The following IPMK variants were observed in gnomAD, a reference collection of about 807,000 sequenced individuals.
The protein encoded by IPMK is inositol 1,3,4,6-tetrakisphosphate 5-kinase.
In IPMK, 17 loss-of-function variants were observed where a neutral mutation model predicts 45.8. That is an observed-to-expected ratio of 0.37 (90% CI 0.25 to 0.56). IPMK has a LOEUF of 0.56. Ranked by LOEUF, IPMK falls within the 20% of genes least tolerant of loss-of-function variation. The pLI is 0.79. For synonymous variants in IPMK, 180 were observed against 184.3 expected (o/e 0.98, Z 0.19); for missense variants, 399 against 498.0 (o/e 0.80, Z 1.89).
At chr10:58,239,138 G>A (rs1288106265) in intron 1 of IPMK, among the ~76,000 whole-genome samples, 1 of 152,136 alleles carries the variant, frequency 6.6e-6, no homozygotes, top group African/African-American at 2.4e-5. Flanking sequence ...GACAGAGCGA[G>A]AGCCCCTCTC....
chr10:58,263,554 G>A (rs1225032261), intron 1 of IPMK, among the ~76,000 whole-genome samples: 6 of 151,900 alleles, frequency 3.9e-5, no homozygotes, highest in African/African-American at 7.3e-5. Flanking sequence ...GCCTAGTGGT[G>A]TGCACCTATA....
Position 58,195,764 on chromosome 10 carries a change from G to A in IPMK, c.*312C>T, listed in dbSNP as rs1406244760. 2 of 220,308 alleles carry A rather than the reference G, an allele frequency of 9.1e-6. No homozygotes were observed. Among genetic ancestry groups the A allele is most frequent in the Admixed American group, 1.1e-4 (2 of 18,816 alleles). 13.6% of individuals were successfully genotyped at this position (220,308 alleles called of 1,614,324 possible). A position where few individuals can be genotyped will look rare whatever the true frequency, so the allele number is the denominator to read the frequency against. On this transcript the variant is annotated 3_prime_UTR_variant, in exon 6 of 6. Coordinates refer to ENST00000373935, the MANE Select transcript of IPMK (RefSeq NM_152230.5). ...AGATTTCATGAATTGGCTACAGAAAGCTAACTAAACTCTTAATGACTGAAT... is the reference window on the plus strand; with the variant it reads ...AGATTTCATGAATTGGCTACAGAAAACTAACTAAACTCTTAATGACTGAAT...
At position 58,245,053 on chromosome 10, in the gene IPMK, A is replaced by AT. The variant is rs1280213330; in HGVS notation, c.191-7240_191-7239insA. 6.3e-3 allele frequency among the ~76,000 whole-genome samples: 852 copies of AT among 134,726 alleles called. 10 individuals are homozygous for AT. Among genetic ancestry groups the AT allele is most frequent in the African/African-American group, 0.026 (787 of 30,048 alleles). 88.4% of individuals were successfully genotyped at this position (134,726 alleles called of 152,430 possible). On this transcript the variant is annotated intron_variant, in intron 1 of 5. Transcript: ENST00000373935. ...GAATGATCAATAAATACTAAAAAAA[A>AT]AAAAATAATAAAATAAACAAATTAA... is the stretch of plus-strand genomic sequence containing the variant.
chr10:58,217,263 T>C (rs1411306753), intron 3 of IPMK, among the ~76,000 whole-genome samples: 1 of 150,386 alleles, frequency 6.6e-6, no homozygotes, highest in African/African-American at 2.5e-5. Context: ...TAAATAGAGA[T>C]TCAAATACAG....
At chr10:58,238,838 T>C (rs964386426) in intron 1 of IPMK, among the ~76,000 whole-genome samples, 1 of 141,006 alleles carries the variant, frequency 7.1e-6, no homozygotes. Context: ...AGAAATCAAG[T>C]TTGTTTTTTG....
chr10:58,210,345 A>G (rs991834361), intron 4 of IPMK, among the ~76,000 whole-genome samples: 4 of 152,008 alleles, frequency 2.6e-5, no homozygotes, highest in Non-Finnish European at 4.4e-5. Context: ...CCTGGGCCAT[A>G]AGCTTCCCCA....
chr10:58,260,765 G>C (rs1358829706), intron 1 of IPMK, among the ~76,000 whole-genome samples: 3 of 152,074 alleles, frequency 2.0e-5, no homozygotes, highest in Non-Finnish European at 4.4e-5. Context: ...GACTCACTGA[G>C]AGAAATTAAA....
chr10:58,210,374 C>T (rs1047689571), intron 4 of IPMK, among the ~76,000 whole-genome samples: 1 of 152,140 alleles, frequency 6.6e-6, no homozygotes, highest in Non-Finnish European at 1.5e-5. Context: ...GCAAGCATGG[C>T]TTTCAGGCTA....
intron 2 of IPMK, among the ~76,000 whole-genome samples, chr10:58,233,536 G>T (rs191416384): frequency 6.6e-6 from 1 of 152,034 alleles, no homozygotes; most frequent in Admixed American, 6.6e-5. Context: ...ATCAATAAAC[G>T]TAATCCGTCA....
At chr10:58,200,592 T>C (rs1249503850) in intron 4 of IPMK, among the ~76,000 whole-genome samples, 1 of 152,202 alleles carries the variant, frequency 6.6e-6, no homozygotes, top group Admixed American at 6.5e-5. Flanking sequence ...ATTTAGTATA[T>C]GATAATGGGA....
chr10:58,216,659 T>C (rs1838248816), intron 3 of IPMK, among the ~76,000 whole-genome samples: 1 of 152,112 alleles, frequency 6.6e-6, no homozygotes, highest in African/African-American at 2.4e-5. Flanking sequence ...ATTTATGCCA[T>C]ATGTTTCAGC....
intron 4 of IPMK, among the ~76,000 whole-genome samples, chr10:58,210,222 G>A (rs1009805578): frequency 3.3e-5 from 5 of 152,120 alleles, no homozygotes; most frequent in African/African-American, 4.8e-5. Context: ...AGCCAGTAGC[G>A]AAGGGACTCA....
In IPMK at chr10:58,192,051, C is replaced by T. The variant is rs1381748546; in HGVS notation, c.*4025G>A. The T allele has an allele frequency of 2.0e-5, 3 of 151,986 alleles. No individual in the cohort carries two copies. The highest frequency in any genetic ancestry group is 4.4e-5 in the Non-Finnish European group (3 of 67,890). 9.4% of individuals were successfully genotyped at this position (151,986 alleles called of 1,614,324 possible). On this transcript the variant is annotated 3_prime_UTR_variant, in exon 6 of 6. Coordinates refer to ENST00000373935, the MANE Select transcript of IPMK (RefSeq NM_152230.5). ...TTAAAAGCCTATAGTGACTTGTTTA[C>T]TTGCATAAATAATATTTTCACTTAG... is the stretch of plus-strand genomic sequence containing the variant.
At chr10:58,210,650 T>C (rs1838144500) in intron 4 of IPMK, among the ~76,000 whole-genome samples, 1 of 152,162 alleles carries the variant, frequency 6.6e-6, no homozygotes, top group South Asian at 2.1e-4. Flanking sequence ...CTGCTGTTGC[T>C]TCTACTTTTA....
At chr10:58,225,300 C>T (rs563390401) in intron 3 of IPMK, among the ~76,000 whole-genome samples, 18 of 152,178 alleles carry the variant, frequency 1.2e-4, no homozygotes, top group African/African-American at 2.9e-4. Context: ...TAGAAGAAAA[C>T]GTGGAGCTCA....
At chr10:58,258,048 C>T (rs1838998353) in intron 1 of IPMK, among the ~76,000 whole-genome samples, 1 of 152,168 alleles carries the variant, frequency 6.6e-6, no homozygotes, top group Non-Finnish European at 1.5e-5. Flanking sequence ...TGGTGGCTCA[C>T]ACCTGTAATC....
chr10:58,227,229 A>G, intron 2 of IPMK, 90 bp from the exon 3 acceptor site: 2 of 976,438 alleles, frequency 2.0e-6, no homozygotes, highest in Non-Finnish European at 3.1e-6. Flanking sequence ...GTTGAATTAT[A>G]ATTCATCTGG....
In IPMK at chr10:58,264,051, T is replaced by C. The variant is rs79227870; in HGVS notation, c.190+3371A>G. On this transcript the variant is annotated intron_variant, in intron 1 of 5. Transcript: ENST00000373935. Reference sequence around the variant, plus strand: ...AAAAGACATTACAGTATTGGAACAGTTGACAAAGTGAGACTATGGACTATA... The same window carrying C: ...AAAAGACATTACAGTATTGGAACAGCTGACAAAGTGAGACTATGGACTATA... 7.2e-5 allele frequency among the ~76,000 whole-genome samples: 11 copies of C among 152,314 alleles called. No individual in the cohort carries two copies. In the East Asian group the frequency reaches 1.7e-3, roughly 24 times the overall value.
At chr10:58,224,707 C>T (rs916367404) in intron 3 of IPMK, among the ~76,000 whole-genome samples, 1 of 152,120 alleles carries the variant, frequency 6.6e-6, no homozygotes, top group Non-Finnish European at 1.5e-5. Context: ...AAAACAGTAT[C>T]AGCTTTATAA....
Sources: gnomAD v4.1 joint callset for allele counts (sites outside exome capture counted in the v4.1 genomes callset) on GRCh38, gnomAD v4.1.1 for gene constraint, MANE v1.5 for transcripts, NCBI Gene and HGNC (gene_info 2026-07-23, HGNC 2026-07-21) for gene names.